The following CYP19A1 variants were observed in gnomAD, a reference collection of about 807,000 sequenced individuals.
The protein encoded by CYP19A1 is aromatase.
In CYP19A1, 32 loss-of-function variants were observed where a neutral mutation model predicts 44.4. The ratio of observed to expected loss-of-function variants is 0.72; its 90% CI spans 0.54 to 0.97. The LOEUF (loss-of-function observed/expected upper bound fraction) is 0.97. CYP19A1 is among the 50% of genes least tolerant of loss of function. CYP19A1 has a pLI of 0.00. For missense variants in CYP19A1, 598 were observed against 637.8 expected (o/e 0.94, Z 0.67); for synonymous variants, 212 against 215.6 (o/e 0.98, Z 0.14).
chr15:51,280,039 G>GACT (rs2035459804), intron 1 of CYP19A1: 1 of 152,028 alleles, frequency 6.6e-6, no homozygotes. Flanking sequence ...GACCCCATGT[G>GACT]ACTGGCTCCC....
intron 2 of CYP19A1, among the ~76,000 whole-genome samples, chr15:51,241,021 T>C (rs1034356506): frequency 6.6e-6 from 1 of 152,164 alleles, no homozygotes; most frequent in African/African-American, 2.4e-5. Context: ...GAGATTTTTT[T>C]AAAAATAGCA....
chr15:51,242,978 TA>T (rs2033867695), intron 1 of CYP19A1, 28 bp from the exon 2 acceptor site: 1 of 1,140,406 alleles, frequency 8.8e-7, no homozygotes, highest in Non-Finnish European at 1.3e-6. Flanking sequence ...ACAGAAAAAT[TA>T]CAGAATCCCC....
chr15:51,281,550 C>G (rs181753244), intron 1 of CYP19A1, among the ~76,000 whole-genome samples: 9 of 152,278 alleles, frequency 5.9e-5, no homozygotes, highest in African/African-American at 2.2e-4. Flanking sequence ...ACTTGAGCAA[C>G]AGGGGGCAGC....
chr15:51,249,021 C>T (rs1018856653), intron 1 of CYP19A1, among the ~76,000 whole-genome samples: 2 of 151,650 alleles, frequency 1.3e-5, no homozygotes, highest in African/African-American at 4.9e-5. Context: ...CTCACTGCAA[C>T]CTCCGCCTCC....
intron 4 of CYP19A1, among the ~76,000 whole-genome samples, chr15:51,226,530 A>C (rs1476017580): frequency 6.6e-6 from 1 of 152,218 alleles, no homozygotes; most frequent in South Asian, 2.1e-4. Flanking sequence ...GGCTGGGCTC[A>C]ACACCCAGTG....
At chr15:51,319,018 C>T (rs2036480316) in intron 1 of CYP19A1, 2 of 152,182 alleles carry the variant, frequency 1.3e-5, no homozygotes, top group Non-Finnish European at 2.9e-5. Flanking sequence ...GACAGATGAA[C>T]CTCAGCCCCT....
At chr15:51,327,819 CA>C (rs2036635930) in intron 1 of CYP19A1, among the ~76,000 whole-genome samples, 1 of 152,022 alleles carries the variant, frequency 6.6e-6, no homozygotes, top group African/African-American at 2.4e-5. Flanking sequence ...TTGTTATGCT[CA>C]AATGAAACCC....
At chr15:51,248,718 T>A (rs760213100) in intron 1 of CYP19A1, among the ~76,000 whole-genome samples, 54 of 152,312 alleles carry the variant, frequency 3.5e-4, no homozygotes, top group Non-Finnish European at 7.8e-4. Flanking sequence ...TACGTGCTTG[T>A]TACAAACCTG....
At chr15:51,223,593 T>TCTCTCTCTCACACACACACA (rs1356666512) in intron 4 of CYP19A1, among the ~76,000 whole-genome samples, 57 of 90,214 alleles carry the variant, frequency 6.3e-4, no homozygotes, top group Admixed American at 1.2e-3. Flanking sequence ...TCTCTCTCTC[T>TCTCTCTCTCACACACACACA]CACACACACA....
chr15:51,276,302 A>G (rs752150990), intron 1 of CYP19A1, among the ~76,000 whole-genome samples: 15 of 152,196 alleles, frequency 9.9e-5, no homozygotes, highest in Non-Finnish European at 7.3e-5. Flanking sequence ...GACAAGCTCT[A>G]CAGGCCCACT....
At chr15:51,260,042 C>T (rs1033072812) in intron 1 of CYP19A1, among the ~76,000 whole-genome samples, 8 of 152,096 alleles carry the variant, frequency 5.3e-5, no homozygotes, top group Admixed American at 4.6e-4. Context: ...GATAAAATGC[C>T]GCAGGAAAGG....
chr15:51,223,408 T>G (rs1316023776), intron 4 of CYP19A1, among the ~76,000 whole-genome samples: 1 of 152,150 alleles, frequency 6.6e-6, no homozygotes, highest in African/African-American at 2.4e-5. Context: ...CTTTCTCTCT[T>G]TGTGTTACGT....
At chr15:51,319,843 T>C (rs909938994) in intron 1 of CYP19A1, among the ~76,000 whole-genome samples, 3 of 151,684 alleles carry the variant, frequency 2.0e-5, no homozygotes, top group African/African-American at 7.2e-5. Context: ...AGTCAGGTGA[T>C]CTCTATCAGG....
At chr15:51,332,852 T>A (rs892107363) in intron 1 of CYP19A1, among the ~76,000 whole-genome samples, 2 of 152,226 alleles carry the variant, frequency 1.3e-5, no homozygotes, top group Non-Finnish European at 2.9e-5. Flanking sequence ...TCTTCCCCTA[T>A]AAGTCACTTG....
chr15:51,274,409 T>C (rs972579092), intron 1 of CYP19A1, among the ~76,000 whole-genome samples: 2 of 152,290 alleles, frequency 1.3e-5, no homozygotes, highest in African/African-American at 4.8e-5. Context: ...GAAAAAGAAA[T>C]GGGAGGTTGC....
At chr15:51,316,721 A>G (rs920584477) in intron 1 of CYP19A1, among the ~76,000 whole-genome samples, 1 of 152,054 alleles carries the variant, frequency 6.6e-6, no homozygotes, top group Non-Finnish European at 1.5e-5. Flanking sequence ...CTCTTAAAAA[A>G]AAAAAAAGGA....
At chr15:51,224,190 C>T (rs2032382048) in intron 4 of CYP19A1, among the ~76,000 whole-genome samples, 1 of 152,102 alleles carries the variant, frequency 6.6e-6, no homozygotes, top group South Asian at 2.1e-4. Flanking sequence ...GGGTCATTGC[C>T]TAAGTTGCAC....
At chr15:51,262,574 C>A (rs1595733750) in intron 1 of CYP19A1, among the ~76,000 whole-genome samples, 1 of 152,338 alleles carries the variant, frequency 6.6e-6, no homozygotes, top group East Asian at 1.9e-4. Context: ...CTTCCAAAAT[C>A]TATAGAGTTT....
At chr15:51,247,824 C>CA (rs1447180004) in intron 1 of CYP19A1, among the ~76,000 whole-genome samples, 2 of 152,140 alleles carry the variant, frequency 1.3e-5, no homozygotes. Flanking sequence ...CTTCCCATCC[C>CA]AGCCTAACCA....
Sources: allele counts gnomAD v4.1 joint callset (sites outside exome capture counted in the v4.1 genomes callset), GRCh38; gene constraint gnomAD v4.1.1; transcripts MANE v1.5; gene names NCBI Gene and HGNC (gene_info 2026-07-23, HGNC 2026-07-21).